Variants in MAGI2 observed in about 807,000 individuals in gnomAD.
MAGI2 encodes the protein membrane-associated guanylate kinase, WW and PDZ domain-containing protein 2.
MAGI2 carries 35 observed loss-of-function variants against 133.3 expected under a neutral mutation model. The ratio of observed to expected loss-of-function variants is 0.26; its 90% CI spans 0.20 to 0.35. The LOEUF (loss-of-function observed/expected upper bound fraction) is 0.35, where lower values mean the gene tolerates loss of function less well. Ranked by LOEUF, MAGI2 falls within the 10% of genes least tolerant of loss-of-function variation. The probability of loss-of-function intolerance (pLI) is 1.00; values close to 1 mark genes in which losing one functional copy is unlikely to be tolerated. For missense variants in MAGI2, 1,636 were observed against 1,863.4 expected, an observed-to-expected ratio of 0.88 and a Z score of 2.25; for synonymous variants, 729 against 710.6, an observed-to-expected ratio of 1.03 and a Z score of -0.41.
At chr7:78,637,241 A>T (rs961779718) in intron 2 of MAGI2, among the ~76,000 whole-genome samples, 3 of 152,178 alleles carry the variant, frequency 2.0e-5, no homozygotes, top group Non-Finnish European at 2.9e-5. Context: ...TTCATAGTGA[A>T]GTGTTCTTTA....
At chr7:78,948,237 C>T (rs959780734) in intron 2 of MAGI2, among the ~76,000 whole-genome samples, 1 of 151,908 alleles carries the variant, frequency 6.6e-6, no homozygotes, top group Non-Finnish European at 1.5e-5. Context: ...TACATTTATA[C>T]ATTTAATATT....
intron 10 of MAGI2, chr7:78,252,139 T>TAAAAAAA (rs59245045): frequency 4.1e-5 from 5 of 122,218 alleles, no homozygotes; most frequent in Non-Finnish European, 5.0e-5. Context: ...CCCTGTCTAT[T>TAAAAAAA]AAAAAAAAAA....
intron 2 of MAGI2, among the ~76,000 whole-genome samples, chr7:78,659,173 C>T (rs183281188): frequency 2.6e-4 from 39 of 151,938 alleles, no homozygotes; most frequent in East Asian, 2.1e-3. Flanking sequence ...AAGAATAGGC[C>T]GGGCGCGGTG....
chr7:78,978,223 G>T (rs945214131), intron 2 of MAGI2, among the ~76,000 whole-genome samples: 2 of 151,808 alleles, frequency 1.3e-5, no homozygotes, highest in African/African-American at 4.8e-5. Flanking sequence ...GCATACGATT[G>T]TTTATGGCAG....
At chr7:79,214,403 CTCTCTATATATATATATATATATATA>C (rs1199880376) in intron 1 of MAGI2, among the ~76,000 whole-genome samples, 3 of 41,464 alleles carry the variant, frequency 7.2e-5, no homozygotes, top group African/African-American at 3.2e-4. Context: ...CTCTCTCTCT[CTCTCTATATATATATATATATATATA>C]TATATATATA....
At position 78,019,723 on chromosome 7, in the gene MAGI2, C is replaced by G. The variant is rs750575907; in HGVS notation, c.3960G>C (p.Pro1320=). The G allele has an allele frequency of 6.2e-7, 1 of 1,604,666 alleles. No homozygotes were observed. The highest frequency in any genetic ancestry group is 2.2e-5 in the East Asian group (1 of 44,586). The stretch of plus-strand genomic sequence containing the variant: ...CGAGCCTCGGCCGCGCGGCCCTCTG[C>G]GGACTCGCCGAGCGCTCCCTCTGCT... The part of the protein sequence containing the change: ...LGEQRERSAS[P]QRAARPRLEE... Residue 1320 remains proline, a synonymous_variant, in exon 22 of 22, where the codon CCG becomes CCC. Coordinates refer to ENST00000354212, the MANE Select transcript of MAGI2 (RefSeq NM_012301.4).
chr7:79,379,522 T>C (rs1469736914), intron 1 of MAGI2, among the ~76,000 whole-genome samples: 1 of 151,920 alleles, frequency 6.6e-6, no homozygotes. Context: ...TTCTAGATCC[T>C]TGAGGAATCG....
intron 9 of MAGI2, among the ~76,000 whole-genome samples, chr7:78,286,359 A>T (rs1287072092): frequency 2.6e-5 from 4 of 152,122 alleles, no homozygotes; most frequent in African/African-American, 9.7e-5. Context: ...ATATTTTACC[A>T]TACAAAGGAG....
At chr7:78,399,113 A>AT (rs71517009) in intron 6 of MAGI2, among the ~76,000 whole-genome samples, 31,111 of 152,142 alleles carry the variant, frequency 0.2, 3,357 homozygotes, top group South Asian at 0.24. Context: ...GATAGATGCA[A>AT]TAAAGAAATG....
At chr7:78,537,881 T>A (rs976806381) in intron 3 of MAGI2, among the ~76,000 whole-genome samples, 1 of 152,202 alleles carries the variant, frequency 6.6e-6, no homozygotes, top group African/African-American at 2.4e-5. Flanking sequence ...TTTGTTGTAT[T>A]TGCTTTTGAG....
chr7:78,978,651 T>C (rs1395954654), intron 2 of MAGI2, among the ~76,000 whole-genome samples: 4 of 151,818 alleles, frequency 2.6e-5, no homozygotes, highest in Non-Finnish European at 5.9e-5. Flanking sequence ...ATTAAACAAA[T>C]AATTAAGTAG....
intron 2 of MAGI2, among the ~76,000 whole-genome samples, chr7:78,687,833 A>G (rs1489156513): frequency 6.6e-6 from 1 of 151,634 alleles, no homozygotes; most frequent in Non-Finnish European, 1.5e-5. Flanking sequence ...GTTGGGCAGT[A>G]TTGGCATACA....
At chr7:78,593,155 A>C (rs527974291) in intron 3 of MAGI2, among the ~76,000 whole-genome samples, 3 of 151,322 alleles carry the variant, frequency 2.0e-5, no homozygotes, top group Non-Finnish European at 2.9e-5. Flanking sequence ...TTTTAAAGCA[A>C]TTAGATGAGG....
At chr7:78,883,954 T>G (rs1796075966) in intron 2 of MAGI2, among the ~76,000 whole-genome samples, 3 of 152,262 alleles carry the variant, frequency 2.0e-5, no homozygotes, top group African/African-American at 2.4e-5. Flanking sequence ...GGCAAAGAAT[T>G]TATGACTAAG....
chr7:79,280,938 A>G (rs1337025413), intron 1 of MAGI2, among the ~76,000 whole-genome samples: 2 of 44,596 alleles, frequency 4.5e-5, no homozygotes, highest in African/African-American at 6.7e-5. Flanking sequence ...AAAAAAAAAA[A>G]AAAAAAAAAA....
At chr7:79,091,656 T>C (rs1225553473) in intron 1 of MAGI2, among the ~76,000 whole-genome samples, 3 of 151,846 alleles carry the variant, frequency 2.0e-5, no homozygotes, top group Non-Finnish European at 2.9e-5. Context: ...TAGGAAAATG[T>C]TTTCTGCCAA....
chr7:79,150,728 T>G (rs564559766), intron 1 of MAGI2, among the ~76,000 whole-genome samples: 1 of 152,210 alleles, frequency 6.6e-6, no homozygotes, highest in Admixed American at 6.5e-5. Context: ...TTTTCATCAA[T>G]TCAAATATTT....
intron 6 of MAGI2, among the ~76,000 whole-genome samples, chr7:78,424,036 C>T (rs1467705307): frequency 1.3e-5 from 2 of 152,190 alleles, no homozygotes; most frequent in Admixed American, 1.3e-4. Context: ...ATCCCCAAGA[C>T]AATGGGGAAA....
intron 10 of MAGI2, chr7:78,253,463 C>T (rs1002071778): frequency 1.3e-5 from 2 of 152,150 alleles, no homozygotes; most frequent in Non-Finnish European, 2.9e-5. Context: ...TAGCAACTTA[C>T]TGAGCATACA....
Sources: gnomAD v4.1 joint callset for allele counts (sites outside exome capture counted in the v4.1 genomes callset) on GRCh38, gnomAD v4.1.1 for gene constraint, MANE v1.5 for transcripts, NCBI Gene and HGNC (gene_info 2026-07-23, HGNC 2026-07-21) for gene names.